NRN1: variants seen among roughly 807,000 people sequenced by gnomAD.
NRN1 encodes neuritin.
In NRN1, 4 loss-of-function variants were observed where a neutral mutation model predicts 15.0. The observed-to-expected ratio is 0.27, with a 90% CI of 0.13 to 0.61. The LOEUF (loss-of-function observed/expected upper bound fraction) is 0.61, where lower values mean the gene tolerates loss of function less well. Among genes scored for constraint, NRN1 ranks in the 20% least tolerant of loss-of-function variants. The pLI is 0.87. For synonymous variants in NRN1, 85 were observed against 79.8 expected (o/e 1.07, Z -0.35); for missense variants, 134 against 181.9 (o/e 0.74, Z 1.51).
At position 6,006,592 on chromosome 6, in the gene NRN1, G is replaced by C. The variant is rs954493670; in HGVS notation, c.55+103C>G. The C allele has an allele frequency of 2.0e-4, 215 of 1,086,602 alleles. 1 individual carries two copies. Among genetic ancestry groups the C allele is most frequent in the South Asian group, 1.1e-3 (83 of 78,872 alleles). 67.3% of individuals were successfully genotyped at this position (1,086,602 alleles called of 1,614,324 possible). ...CCCTCGGGGGATTGCCGGCTTCTCC[G>C]CACCCTGGGGCGGCCGCGGACCCGC... On this transcript the variant is annotated intron_variant, in intron 1 of 2. Transcript: ENST00000244766.
intron 2 of NRN1, among the ~76,000 whole-genome samples, chr6:6,001,931 A>G (rs1757957483): frequency 6.6e-6 from 1 of 152,258 alleles, no homozygotes; most frequent in Non-Finnish European, 1.5e-5. Context: ...TGTTCTTCAG[A>G]GAACACCTGG....
intron 1 of NRN1, among the ~76,000 whole-genome samples, chr6:6,006,119 G>A (rs751186429): frequency 6.6e-6 from 1 of 152,130 alleles, no homozygotes; most frequent in Non-Finnish European, 1.5e-5. Flanking sequence ...AAAATATGTG[G>A]TCTGAAGTTC....
chr6:6,000,820 A>G (rs1757926431), intron 2 of NRN1, among the ~76,000 whole-genome samples: 1 of 138,620 alleles, frequency 7.2e-6, no homozygotes, highest in Non-Finnish European at 1.5e-5. Flanking sequence ...GGGGCTGGGC[A>G]GAAGTGGGCT....
intron 1 of NRN1, 69 bp from the exon 2 acceptor site, chr6:6,002,566 C>A: frequency 6.4e-7 from 1 of 1,565,890 alleles, no homozygotes; most frequent in South Asian, 1.2e-5. Context: ...CCCTTTCCTG[C>A]GAGACCCTGG....
At chr6:6,004,589 CT>C (rs1249393567) in intron 1 of NRN1, among the ~76,000 whole-genome samples, 2 of 152,234 alleles carry the variant, frequency 1.3e-5, no homozygotes, top group Non-Finnish European at 2.9e-5. Context: ...TGAGTGTGTG[CT>C]GTGTAAAATA....
intron 2 of NRN1, among the ~76,000 whole-genome samples, chr6:6,001,912 C>G (rs1757957003): frequency 1.3e-5 from 2 of 152,216 alleles, no homozygotes; most frequent in East Asian, 3.8e-4. Flanking sequence ...TCCTCAAATC[C>G]AAACTAACTG....
chr6:6,002,626 G>C lies in NRN1; in HGVS notation c.56-129C>G, dbSNP rs1012041005. ...GCGGCCTCTCCCAGCGCCCAGCCTC[G>C]GGGCTCGCCAGTGTTAAAGGTGAAT... On this transcript the variant is annotated intron_variant, in intron 1 of 2. Transcript: ENST00000244766. 6.4e-6 allele frequency: 8 copies of C among 1,250,022 alleles called. No individual in the cohort carries two copies. The African/African-American group carries it at 9.0e-5, about 14-fold the overall frequency. 77.4% of individuals were successfully genotyped at this position (1,250,022 alleles called of 1,614,324 possible).
chr6:6,003,008 A>T (rs1758001580), intron 1 of NRN1: 1 of 430,054 alleles, frequency 2.3e-6, no homozygotes, highest in Admixed American at 4.3e-5. Context: ...GGGGTCACGC[A>T]GCTGAACCCA....
intron 1 of NRN1, among the ~76,000 whole-genome samples, chr6:6,006,039 G>A (rs762508715): frequency 2.0e-5 from 3 of 152,300 alleles, no homozygotes; most frequent in South Asian, 2.1e-4. Flanking sequence ...AAAGTAGCAG[G>A]CAAATGCATC....
At position 6,004,583 on chromosome 6, in the gene NRN1, T is replaced by C. The variant is rs200532208; in HGVS notation, c.56-2086A>G. Among the ~76,000 whole-genome samples, 12 of 152,278 alleles carry C rather than the reference T, an allele frequency of 7.9e-5. No individual in the cohort carries two copies. In the East Asian group the frequency reaches 1.9e-3, roughly 25 times the overall value. On this transcript the variant is annotated intron_variant, in intron 1 of 2. Transcript: ENST00000244766. ...ACCCTGCACACCGCGCATGTGTGAG[T>C]GTGTGCTGTGTAAAATAAGTCGTGA...
At chr6:5,999,673 C>T (rs1470350095) in intron 2 of NRN1, among the ~76,000 whole-genome samples, 7 of 152,220 alleles carry the variant, frequency 4.6e-5, no homozygotes, top group Admixed American at 4.6e-4. Flanking sequence ...CTTACATTCT[C>T]CTCCCCCTCG....
intron 2 of NRN1, among the ~76,000 whole-genome samples, chr6:6,000,401 G>C (rs1340356735): frequency 6.6e-6 from 1 of 152,146 alleles, no homozygotes; most frequent in Non-Finnish European, 1.5e-5. Flanking sequence ...TCTCCTTTCA[G>C]AGCTGGGTCG....
intron 2 of NRN1, among the ~76,000 whole-genome samples, 160 bp downstream of exon 2, chr6:6,002,193 G>T (rs1757967552): frequency 6.6e-6 from 1 of 152,228 alleles, no homozygotes; most frequent in Admixed American, 6.5e-5. Flanking sequence ...TAACCCGGGG[G>T]CCTGGTCCTA....
chr6:6,003,553 T>A, intron 1 of NRN1: 2 of 554,644 alleles, frequency 3.6e-6, no homozygotes, highest in Non-Finnish European at 5.4e-6. Context: ...CAGGACTCCC[T>A]GCAGAGAGCA....
upstream of NRN1, among the ~76,000 whole-genome samples, chr6:6,007,290 C>A (rs1319955444): frequency 7.2e-5 from 11 of 151,916 alleles, no homozygotes; most frequent in African/African-American, 2.4e-4. Context: ...CTCCCTTCCC[C>A]GCCAGGAGCT....
chr6:6,004,073 A>C, intron 1 of NRN1: 3 of 1,117,282 alleles, frequency 2.7e-6, no homozygotes, highest in East Asian at 4.8e-5. Flanking sequence ...CCCGTTTGCA[A>C]ATTGCTGCAG....
At chr6:6,003,609 AAC>A in intron 1 of NRN1, 5 of 816,258 alleles carry the variant, frequency 6.1e-6, no homozygotes, top group Non-Finnish European at 8.2e-6. Context: ...AGGAGGAGGA[AAC>A]ACAGGCCGCA....
At chr6:6,002,880 A>G in intron 1 of NRN1, 1 of 378,754 alleles carries the variant, frequency 2.6e-6, no homozygotes, top group South Asian at 7.8e-5. Flanking sequence ...GTCTCCCAAC[A>G]CTTCCCCAGC....
In NRN1 at chr6:5,998,791, G is replaced by A. The variant is rs1757840823; in HGVS notation, c.*185C>T. 1 of 603,720 alleles carries A rather than the reference G, an allele frequency of 1.7e-6. No individual in the cohort carries two copies. 37.4% of individuals were successfully genotyped at this position (603,720 alleles called of 1,614,324 possible). On this transcript the variant is annotated 3_prime_UTR_variant, in exon 3 of 3. Coordinates refer to ENST00000244766, the MANE Select transcript of NRN1 (RefSeq NM_016588.3). ...GCTTGCTCACTGATTGGTAACATTT[G>A]GCAAATAAAACACAAGAAATCAAAC...
Sources: allele counts gnomAD v4.1 joint callset (sites outside exome capture counted in the v4.1 genomes callset), GRCh38; gene constraint gnomAD v4.1.1; transcripts MANE v1.5; gene names NCBI Gene and HGNC (gene_info 2026-07-23, HGNC 2026-07-21).